PCDH9: variants seen among roughly 807,000 people sequenced by gnomAD.
PCDH9 encodes protocadherin-9.
PCDH9 carries 24 observed loss-of-function variants against 70.6 expected under a neutral mutation model. The ratio of observed to expected loss-of-function variants is 0.34; its 90% CI spans 0.25 to 0.48. PCDH9 has a LOEUF of 0.48. Among genes scored for constraint, PCDH9 ranks in the 20% least tolerant of loss-of-function variants. The pLI, the probability that PCDH9 is intolerant of heterozygous loss-of-function variation, is 0.99. For synonymous variants in PCDH9, 562 were observed against 558.5 expected, an observed-to-expected ratio of 1.01 and a Z score of -0.09; for missense variants, 1,281 against 1,503.6, an observed-to-expected ratio of 0.85 and a Z score of 2.45.
chr13:66,819,347 AGGTAT>A (rs1445296503), intron 3 of PCDH9, among the ~76,000 whole-genome samples: 1 of 152,002 alleles, frequency 6.6e-6, no homozygotes, highest in Non-Finnish European at 1.5e-5. Context: ...ACCTTTCAAA[AGGTAT>A]TTTTGCTTGA....
chr13:67,132,625 G>A (rs904137175), intron 2 of PCDH9, among the ~76,000 whole-genome samples: 24 of 151,978 alleles, frequency 1.6e-4, no homozygotes, highest in African/African-American at 5.8e-4. Flanking sequence ...ATAATTCTAA[G>A]AGACTGTAAG....
chr13:66,878,845 T>C (rs897701585), intron 3 of PCDH9, among the ~76,000 whole-genome samples: 3 of 152,324 alleles, frequency 2.0e-5, no homozygotes, highest in Non-Finnish European at 4.4e-5. Context: ...GGATGTGGTA[T>C]AGAACAAGCA....
chr13:66,311,364 C>CTG (rs1353710651), intron 4 of PCDH9, among the ~76,000 whole-genome samples: 10 of 106,318 alleles, frequency 9.4e-5, no homozygotes, highest in African/African-American at 2.7e-4. Flanking sequence ...TTCTCTCTCT[C>CTG]TCTGTGTGTG....
chr13:66,759,009 CT>C (rs540130083), intron 3 of PCDH9, among the ~76,000 whole-genome samples: 10 of 151,870 alleles, frequency 6.6e-5, no homozygotes, highest in African/African-American at 2.2e-4. Flanking sequence ...TATGAATCAT[CT>C]TTTTTTTCTT....
intron 3 of PCDH9, among the ~76,000 whole-genome samples, chr13:66,801,541 T>C (rs1442000): frequency 0.98 from 149,662 of 152,138 alleles, 73,647 homozygotes; most frequent in East Asian, 1. Context: ...CTCTTTGTAG[T>C]CAATTGTTAT....
chr13:66,735,209 T>C (rs2079130421), intron 3 of PCDH9, among the ~76,000 whole-genome samples: 1 of 152,206 alleles, frequency 6.6e-6, no homozygotes, highest in African/African-American at 2.4e-5. Context: ...CATATTCCAC[T>C]ACCTTCCTTT....
intron 4 of PCDH9, among the ~76,000 whole-genome samples, chr13:66,521,841 G>T (rs1960003571): frequency 6.6e-6 from 1 of 151,918 alleles, no homozygotes; most frequent in Non-Finnish European, 1.5e-5. Flanking sequence ...ATCTATGAAA[G>T]AACTGTGTAC....
intron 2 of PCDH9, among the ~76,000 whole-genome samples, chr13:67,093,884 T>G (rs1311078809): frequency 4.6e-5 from 7 of 152,192 alleles, no homozygotes; most frequent in Non-Finnish European, 1.5e-5. Context: ...TAAATTTACT[T>G]TCTAGTTTTA....
intron 4 of PCDH9, among the ~76,000 whole-genome samples, chr13:66,308,910 A>G (rs903855385): frequency 5.9e-4 from 90 of 152,210 alleles, no homozygotes; most frequent in African/African-American, 2.0e-3. Context: ...AAACAAAAAC[A>G]AAAACAAAAC....
chr13:67,180,831 C>T (rs1015358645), intron 2 of PCDH9, among the ~76,000 whole-genome samples: 2 of 152,138 alleles, frequency 1.3e-5, no homozygotes, highest in Non-Finnish European at 2.9e-5. Flanking sequence ...ATTTCACACT[C>T]CCTGAACATT....
At chr13:67,049,549 A>G (rs1199658641) in intron 2 of PCDH9, among the ~76,000 whole-genome samples, 1 of 152,216 alleles carries the variant, frequency 6.6e-6, no homozygotes, top group African/African-American at 2.4e-5. Context: ...ATATGTATAT[A>G]TCAAGAACTT....
At chr13:66,868,710 A>G (rs2081618278) in intron 3 of PCDH9, among the ~76,000 whole-genome samples, 1 of 152,142 alleles carries the variant, frequency 6.6e-6, no homozygotes, top group African/African-American at 2.4e-5. Context: ...TGATTAAGAG[A>G]CATATGACAT....
At position 67,217,114 on chromosome 13, in the gene PCDH9, G is replaced by A. The variant is rs540882416; in HGVS notation, c.3036+8291C>T. The A allele has an allele frequency of 6.6e-5, 10 of 151,894 alleles. No homozygotes were observed. The East Asian group carries it at 1.2e-3, about 18-fold the overall frequency. The allele number at this position is 151,894 out of a possible 1,614,324, so 9.4% of individuals were successfully genotyped here. ...GAGGCACAGATTGGTTGCATCCACCGAATCCAAAAAACCACCAGTATTTTT... is the reference window on the plus strand; with the variant it reads ...GAGGCACAGATTGGTTGCATCCACCAAATCCAAAAAACCACCAGTATTTTT... On this transcript the variant is annotated intron_variant, in intron 2 of 4. Transcript: ENST00000377865.
chr13:66,416,921 T>A (rs945709738), intron 4 of PCDH9, among the ~76,000 whole-genome samples: 1 of 152,156 alleles, frequency 6.6e-6, no homozygotes, highest in Non-Finnish European at 1.5e-5. Context: ...GAGATGTGCA[T>A]CCCAAGGAAT....
intron 2 of PCDH9, among the ~76,000 whole-genome samples, chr13:67,092,490 A>G (rs1483948529): frequency 6.6e-6 from 1 of 152,146 alleles, no homozygotes; most frequent in Non-Finnish European, 1.5e-5. Flanking sequence ...AATTCAGGCA[A>G]AAACCTAAGA....
intron 4 of PCDH9, among the ~76,000 whole-genome samples, chr13:66,508,019 C>A (rs1437870521): frequency 1.3e-5 from 2 of 152,192 alleles, no homozygotes; most frequent in Non-Finnish European, 2.9e-5. Flanking sequence ...TCGCACCTGG[C>A]CCTACCTTGT....
intron 2 of PCDH9, among the ~76,000 whole-genome samples, chr13:67,176,999 A>C (rs974148247): frequency 3.3e-5 from 5 of 152,066 alleles, no homozygotes; most frequent in Non-Finnish European, 7.4e-5. Context: ...TCTTCTTTTC[A>C]AACAATGGAA....
chr13:66,512,186 C>G (rs1184693036), intron 4 of PCDH9, among the ~76,000 whole-genome samples: 1 of 151,452 alleles, frequency 6.6e-6, no homozygotes, highest in Non-Finnish European at 1.5e-5. Context: ...ATTTAGGTGG[C>G]TTCATCCCTG....
chr13:66,381,411 C>G (rs1178421607), intron 4 of PCDH9, among the ~76,000 whole-genome samples: 2 of 152,122 alleles, frequency 1.3e-5, no homozygotes, highest in African/African-American at 4.8e-5. Flanking sequence ...GTATAAGTAG[C>G]CCCTTAGTAG....
Sources: gnomAD v4.1 joint callset for allele counts (sites outside exome capture counted in the v4.1 genomes callset) on GRCh38, gnomAD v4.1.1 for gene constraint, MANE v1.5 for transcripts, NCBI Gene and HGNC (gene_info 2026-07-23, HGNC 2026-07-21) for gene names.